The following PVT1 variants were observed in gnomAD, a reference collection of about 807,000 sequenced individuals.
PVT1 encodes the protein Pvt1 oncogene.
chr8:128,065,754 A>ACT (rs1813901267), intron 4 of PVT1, among the ~76,000 whole-genome samples: 2 of 113,400 alleles, frequency 1.8e-5, no homozygotes, highest in Admixed American at 8.5e-5. Context: ...CTTCAAGCAG[A>ACT]CACAAAAAAC....
chr8:128,082,393 G>C (rs779032673), intron 5 of PVT1, among the ~76,000 whole-genome samples: 3 of 152,158 alleles, frequency 2.0e-5, no homozygotes, highest in Non-Finnish European at 4.4e-5. Flanking sequence ...ACCTGCATTC[G>C]TATTCTGGAG....
chr8:128,096,032 A>T (rs1252130363), intron 5 of PVT1, among the ~76,000 whole-genome samples: 1 of 152,230 alleles, frequency 6.6e-6, no homozygotes, highest in Non-Finnish European at 1.5e-5. Context: ...TGGGTCCTGC[A>T]ACAAGTAGGC....
intron 4 of PVT1, chr8:128,009,010 A>G (rs1293573069): frequency 2.0e-6 from 1 of 489,570 alleles, no homozygotes; most frequent in African/African-American, 1.9e-5. Flanking sequence ...CAGTATAAAT[A>G]TATGGCTGAA....
At chr8:127,935,911 G>A (rs1015645731) in intron 3 of PVT1, among the ~76,000 whole-genome samples, 1 of 152,132 alleles carries the variant, frequency 6.6e-6, no homozygotes, top group African/African-American at 2.4e-5. Flanking sequence ...AGAGGTGTCA[G>A]TGGGTGGTGT....
intron 3 of PVT1, among the ~76,000 whole-genome samples, chr8:127,955,551 G>C (rs1442979424): frequency 6.6e-6 from 1 of 152,064 alleles, no homozygotes; most frequent in African/African-American, 2.4e-5. Context: ...CAGTATAAGA[G>C]TTATGCCCAA....
intron 4 of PVT1, among the ~76,000 whole-genome samples, chr8:128,028,703 C>A (rs1211479172): frequency 6.6e-6 from 1 of 152,212 alleles, no homozygotes; most frequent in African/African-American, 2.4e-5. Flanking sequence ...TAGCACATTG[C>A]AAGCTAAGTC....
chr8:127,957,317 C>G (rs1291655360), intron 3 of PVT1, among the ~76,000 whole-genome samples: 2 of 152,088 alleles, frequency 1.3e-5, no homozygotes, highest in African/African-American at 4.8e-5. Flanking sequence ...GCCTGTAATT[C>G]CAGCACTATG....
chr8:127,824,435 G>A (rs1814765412), intron 2 of PVT1, among the ~76,000 whole-genome samples: 1 of 152,070 alleles, frequency 6.6e-6, no homozygotes, highest in Non-Finnish European at 1.5e-5. Context: ...TGGGATTACA[G>A]ACACGAGCCA....
intron 2 of PVT1, among the ~76,000 whole-genome samples, chr8:127,813,696 T>C (rs934306350): frequency 3.9e-5 from 6 of 152,114 alleles, no homozygotes; most frequent in African/African-American, 1.2e-4. Flanking sequence ...TGTGTTTGGG[T>C]ATTCAAGAAA....
intron 3 of PVT1, chr8:127,984,121 C>T (rs1816915820): frequency 6.6e-6 from 1 of 152,136 alleles, no homozygotes; most frequent in Admixed American, 6.6e-5. Context: ...TCAAGTGATC[C>T]ACTCACTTTG....
Position 128,068,107 on chromosome 8 carries a change from G to A in PVT1, n.913-2053G>A, listed in dbSNP as rs143495676. On this transcript the variant is annotated intron_variant and non_coding_transcript_variant, in intron 4 of 10. Coordinates refer to ENST00000651587, the Ensembl canonical transcript of PVT1. ...GCCTCTTGCCCCCTGTTCCTGCTGT[G>A]CATGCATACATTTTACAGGGATGTG... is the stretch of plus-strand genomic sequence containing the variant. 3.9e-5 allele frequency among the ~76,000 whole-genome samples: 6 copies of A among 151,942 alleles called. No individual in the cohort carries two copies. In the East Asian group the frequency reaches 9.7e-4, roughly 25 times the overall value.
At chr8:127,833,182 C>CT (rs1403480465) in intron 2 of PVT1, among the ~76,000 whole-genome samples, 1 of 152,154 alleles carries the variant, frequency 6.6e-6, no homozygotes, top group African/African-American at 2.4e-5. Flanking sequence ...CAGAATAGTA[C>CT]TGTTCTGGGT....
chr8:128,009,237 A>C (rs1310694666), intron 4 of PVT1, among the ~76,000 whole-genome samples: 1 of 152,226 alleles, frequency 6.6e-6, no homozygotes, highest in Non-Finnish European at 1.5e-5. Context: ...ATAATAAAAG[A>C]AATGACAAGC....
At chr8:128,093,421 G>A (rs1318385545) in intron 5 of PVT1, among the ~76,000 whole-genome samples, 1 of 152,074 alleles carries the variant, frequency 6.6e-6, no homozygotes, top group African/African-American at 2.4e-5. Context: ...GCCAGGCTTG[G>A]TGGCAGCTGC....
intron 4 of PVT1, among the ~76,000 whole-genome samples, chr8:128,047,631 G>T (rs967299350): frequency 1.2e-4 from 18 of 152,164 alleles, no homozygotes; most frequent in African/African-American, 4.3e-4. Context: ...ACACATGCAT[G>T]ATGAGAAGAG....
At chr8:127,986,368 C>T (rs1227354307) in intron 3 of PVT1, among the ~76,000 whole-genome samples, 1 of 152,160 alleles carries the variant, frequency 6.6e-6, no homozygotes, top group Non-Finnish European at 1.5e-5. Flanking sequence ...TGACCTTCTG[C>T]GGTCCCAGGA....
chr8:127,898,670 C>G lies in PVT1; in HGVS notation n.782+7672C>G, dbSNP rs1374894366. Among the ~76,000 whole-genome samples, 1 of 152,196 alleles carries G rather than the reference C, an allele frequency of 6.6e-6. No individual in the cohort carries two copies. Among genetic ancestry groups the G allele is most frequent in the African/African-American group, 2.4e-5 (1 of 41,442 alleles). ...CTGTATTCCAGTGGCCCTGGTGGCT[C>G]TCTTCCCTCTCACCTTCCCAGGAGG... On this transcript the variant is annotated intron_variant and non_coding_transcript_variant, in intron 3 of 10. Transcript: ENST00000651587. The surrounding 1 kb of genome is among the most constrained non-coding windows in gnomAD (Gnocchi z 4.4).
intron 3 of PVT1, among the ~76,000 whole-genome samples, chr8:127,952,236 C>G (rs1353216368): frequency 6.6e-6 from 1 of 152,238 alleles, no homozygotes; most frequent in Non-Finnish European, 1.5e-5. Flanking sequence ...CTTTGCCACC[C>G]AAGCAGGTTC....
At chr8:127,852,990 A>G (rs1815120199) in intron 2 of PVT1, among the ~76,000 whole-genome samples, 1 of 152,114 alleles carries the variant, frequency 6.6e-6, no homozygotes, top group African/African-American at 2.4e-5. Context: ...GAGAACAGAC[A>G]AGGTTCTCTC....
Sources: gnomAD v4.1 joint callset for allele counts (sites outside exome capture counted in the v4.1 genomes callset) on GRCh38, gnomAD v4.1.1 for gene constraint, Gnocchi (gnomAD v3.1) non-coding constraint, MANE v1.5 for transcripts, NCBI Gene and HGNC (gene_info 2026-07-23, HGNC 2026-07-21) for gene names.